The following NINL variants were observed in gnomAD, a reference collection of about 807,000 sequenced individuals.
NINL encodes ninein like, also known as ninein-like protein.
NINL carries 153 observed loss-of-function variants against 160.3 expected under a neutral mutation model. That is an observed-to-expected ratio of 0.95 (90% CI 0.84 to 1.09). The LOEUF is 1.09. Ranked by LOEUF, NINL falls within the 50% of genes least tolerant of loss-of-function variation. NINL has a pLI of 0.00. For missense variants in NINL, 1,829 were observed against 1,764.0 expected, an observed-to-expected ratio of 1.04 and a Z score of -0.66; for synonymous variants, 800 against 734.8, an observed-to-expected ratio of 1.09 and a Z score of -1.43.
rs569887061 is a variant in NINL, at chr20:25,571,346, G to A, written c.-12+14109C>T. ...TCACCAGGGGCAAGGTGTCTGGCAC[G>A]CCAGGGTCAAGGAGTGGGCCTGTGT... is the stretch of plus-strand genomic sequence containing the variant. On this transcript the variant is annotated intron_variant, in intron 1 of 23. Coordinates refer to ENST00000278886, the MANE Select transcript of NINL (RefSeq NM_025176.6). Among the ~76,000 whole-genome samples, 14 of 152,302 alleles carry A rather than the reference G, an allele frequency of 9.2e-5. 1 individual carries two copies. In the South Asian group the frequency reaches 2.7e-3, roughly 29 times the overall value.
intron 9 of NINL, 131 bp downstream of exon 9, chr20:25,498,079 A>T (rs915948800): frequency 2.7e-5 from 30 of 1,117,636 alleles, no homozygotes; most frequent in African/African-American, 7.7e-5. Flanking sequence ...GACAGTGTGC[A>T]GAGCCCTGCC....
rs527796979 is a variant in NINL, at chr20:25,577,778, A to C, written c.-12+7677T>G. Among the ~76,000 whole-genome samples the C allele has an allele frequency of 2.0e-4, 30 of 151,668 alleles. No individual in the cohort carries two copies. In the South Asian group the frequency reaches 4.6e-3, roughly 23 times the overall value. On this transcript the variant is annotated intron_variant, in intron 1 of 23. Transcript: ENST00000278886. ...TGGGGCCAGCAGAAGCTCGGGGCTT[A>C]CTACTGTCCTAGTCCCAGGAACAGA...
At chr20:25,503,309 T>G (rs2063902938) in intron 7 of NINL, among the ~76,000 whole-genome samples, 1 of 143,002 alleles carries the variant, frequency 7.0e-6, no homozygotes. Flanking sequence ...CACTGCCTCC[T>G]GTAACCCCAG....
intron 1 of NINL, among the ~76,000 whole-genome samples, chr20:25,572,218 T>G (rs967741134): frequency 1.3e-5 from 2 of 151,946 alleles, no homozygotes; most frequent in African/African-American, 2.4e-5. Flanking sequence ...CTGAGTAGTT[T>G]TTTTTTTTTA....
At chr20:25,571,025 G>GA (rs1391853643) in intron 1 of NINL, among the ~76,000 whole-genome samples, 1 of 151,930 alleles carries the variant, frequency 6.6e-6, no homozygotes, top group Non-Finnish European at 1.5e-5. Context: ...TTATTATTCT[G>GA]AAAAAAACTG....
Position 25,491,378 on chromosome 20 carries a change from G to A in NINL, c.1458C>T (p.Leu486=). The A allele has an allele frequency of 1.2e-6, 2 of 1,610,778 alleles. No individual in the cohort carries two copies. Among genetic ancestry groups the A allele is most frequent in the Non-Finnish European group, 1.7e-6 (2 of 1,179,626 alleles). Residue 486 remains leucine, a synonymous_variant, in exon 11 of 24, where the codon CTC becomes CTT. Coordinates refer to ENST00000278886, the MANE Select transcript of NINL (RefSeq NM_025176.6). ...VGRLQAEEAG[L]REKLTLALKE... ...TCAGGGCCAGGGTCAGCTTCTCGCGGAGGCCAGCCTCCTCAGCCTGCAGGC... is the reference window on the plus strand; with the variant it reads ...TCAGGGCCAGGGTCAGCTTCTCGCGAAGGCCAGCCTCCTCAGCCTGCAGGC...
At chr20:25,545,558 A>G (rs1169013446) in intron 1 of NINL, among the ~76,000 whole-genome samples, 1 of 152,164 alleles carries the variant, frequency 6.6e-6, no homozygotes, top group African/African-American at 2.4e-5. Context: ...CAGGCATGAC[A>G]GGATGGGGGG....
intron 1 of NINL, among the ~76,000 whole-genome samples, chr20:25,559,138 T>G (rs190688551): frequency 6.6e-6 from 1 of 152,342 alleles, no homozygotes; most frequent in Admixed American, 6.5e-5. Flanking sequence ...TAGGGCCACG[T>G]AAGGCAAGGT....
chr20:25,520,244 T>C (rs962863600), intron 2 of NINL, among the ~76,000 whole-genome samples: 15 of 152,136 alleles, frequency 9.9e-5, no homozygotes, highest in African/African-American at 3.6e-4. Flanking sequence ...CTAGGTACGC[T>C]TCAGTGAAAG....
At chr20:25,456,557 A>C (rs538791246) in intron 22 of NINL, among the ~76,000 whole-genome samples, 132 of 150,698 alleles carry the variant, frequency 8.8e-4, no homozygotes, top group African/African-American at 2.8e-3. Flanking sequence ...CAAAAAAAAA[A>C]CACAAAAAAC....
rs768415557 is a variant in NINL, at chr20:25,526,390, A to G, written c.180+18T>C. On this transcript the variant is annotated intron_variant, in intron 2 of 23. Coordinates refer to ENST00000278886, the MANE Select transcript of NINL (RefSeq NM_025176.6). The stretch of plus-strand genomic sequence containing the variant: ...AGACCCCGTGCTTTCCTTTATGACA[A>G]TGAAGTCCAACACTCACCCTGGCGA... 1.3e-6 allele frequency: 2 copies of G among 1,597,774 alleles called. No individual in the cohort carries two copies.
At chr20:25,547,644 G>C (rs551941443) in intron 1 of NINL, among the ~76,000 whole-genome samples, 1 of 152,332 alleles carries the variant, frequency 6.6e-6, no homozygotes, top group South Asian at 2.1e-4. Context: ...TTTGGTGTTA[G>C]AAGTGTTCTG....
chr20:25,473,719 T>TAC lies in NINL; in HGVS notation c.3248+2323_3248+2324insGT, dbSNP rs796818551. ...ACACACACACACACACACACACACA[T>TAC]CAGCTGGGCATGGTGGTGGGCACAT... is the stretch of plus-strand genomic sequence containing the variant. On this transcript the variant is annotated intron_variant, in intron 17 of 23. Transcript: ENST00000278886. Among the ~76,000 whole-genome samples the TAC allele has an allele frequency of 4.8e-4, 58 of 120,278 alleles. 1 individual carries two copies. Among genetic ancestry groups the TAC allele is most frequent in the African/African-American group, 1.7e-3 (56 of 32,098 alleles). The allele number at this position is 120,278 out of a possible 152,430, so 78.9% of individuals were successfully genotyped here. A position where few individuals can be genotyped will look rare whatever the true frequency, so the allele number is the denominator to read the frequency against.
rs560224575 is a variant in NINL at position 25,496,655 on chromosome 20, G to T, written c.1310+8C>A. 22 of 1,613,306 alleles carry T rather than the reference G, an allele frequency of 1.4e-5. No individual in the cohort carries two copies. The South Asian group carries it at 2.3e-4, about 17-fold the overall frequency. On this transcript the variant is annotated splice_region_variant and intron_variant, in intron 10 of 23. Transcript: ENST00000278886. ...GGTAAGAATCCACCACCTGGGCCCA[G>T]AACCCACTTGATTTTCTTCTCCGTG...
At chr20:25,577,072 C>G (rs552116316) in intron 1 of NINL, among the ~76,000 whole-genome samples, 1 of 152,124 alleles carries the variant, frequency 6.6e-6, no homozygotes, top group African/African-American at 2.4e-5. Context: ...TGTGGGGTTC[C>G]GAAATTGGGC....
chr20:25,574,825 C>T (rs2065096319), intron 1 of NINL, among the ~76,000 whole-genome samples: 1 of 152,062 alleles, frequency 6.6e-6, no homozygotes, highest in Non-Finnish European at 1.5e-5. Context: ...ATGTCACATG[C>T]AAAGCTCCTA....
intron 14 of NINL, among the ~76,000 whole-genome samples, chr20:25,480,792 C>T (rs906117968): frequency 2.0e-5 from 3 of 152,236 alleles, no homozygotes; most frequent in African/African-American, 4.8e-5. Context: ...GGAATTAGCG[C>T]TCTGAGACTG....
At chr20:25,570,705 T>A (rs1326525062) in intron 1 of NINL, among the ~76,000 whole-genome samples, 2 of 139,884 alleles carry the variant, frequency 1.4e-5, no homozygotes, top group Non-Finnish European at 3.1e-5. Context: ...TTTTTTTTTT[T>A]TTTTTTTTTT....
Position 25,462,478 on chromosome 20 carries a change from C to A in NINL, c.3487G>T (p.Ala1163Ser). 1 of 1,614,170 alleles carries A rather than the reference C, an allele frequency of 6.2e-7. No homozygotes were observed. Among genetic ancestry groups the A allele is most frequent in the Admixed American group, 1.7e-5 (1 of 60,026 alleles). ...TCGTTTTGGGCCTGGTGGGTAGAAGCCTCCTGTCCCAGTTGAAGAACCCTG... is the reference window on the plus strand; with the variant it reads ...TCGTTTTGGGCCTGGTGGGTAGAAGACTCCTGTCCCAGTTGAAGAACCCTG... ...NVRVLQLGQEASTHQAQNEEH... is the reference protein window; with the variant it reads ...NVRVLQLGQESSTHQAQNEEH... Residue 1163 changes from alanine to serine, a missense_variant, in exon 20 of 24, where the codon GCT becomes TCT. Ala to Ser is a moderately conservative substitution (Grantham distance 99). Transcript: ENST00000278886.
Sources: allele counts gnomAD v4.1 joint callset (sites outside exome capture counted in the v4.1 genomes callset), GRCh38; gene constraint gnomAD v4.1.1; transcripts MANE v1.5; gene names NCBI Gene and HGNC (gene_info 2026-07-23, HGNC 2026-07-21).